Variants in TMEM135 observed in about 807,000 individuals in gnomAD.
TMEM135 encodes the protein peroxisomal membrane protein 52.
Under a neutral mutation model 60.3 loss-of-function variants are expected in TMEM135, and 30 were observed. The ratio of observed to expected loss-of-function variants is 0.50; its 90% CI spans 0.37 to 0.68. The LOEUF is 0.68. Among genes scored for constraint, TMEM135 ranks in the 30% least tolerant of loss-of-function variants. The probability of loss-of-function intolerance (pLI) is 0.00; values close to 1 mark genes in which losing one functional copy is unlikely to be tolerated. For synonymous variants in TMEM135, 190 were observed against 186.7 expected (o/e 1.02, Z -0.14); for missense variants, 468 against 548.8 (o/e 0.85, Z 1.47).
chr11:87,292,714 A>C (rs1202195042), intron 6 of TMEM135, among the ~76,000 whole-genome samples: 1 of 152,228 alleles, frequency 6.6e-6, no homozygotes, highest in Non-Finnish European at 1.5e-5. Context: ...ACCCTCAATT[A>C]CATTAACAAA....
chr11:87,060,964 A>G (rs1032797969), intron 1 of TMEM135, among the ~76,000 whole-genome samples: 21 of 152,088 alleles, frequency 1.4e-4, no homozygotes, highest in Non-Finnish European at 2.9e-4. Flanking sequence ...TATCTCTAAA[A>G]TGGTGATAAT....
intron 1 of TMEM135, among the ~76,000 whole-genome samples, chr11:87,060,712 G>A (rs780889562): frequency 2.7e-5 from 4 of 150,410 alleles, no homozygotes; most frequent in African/African-American, 9.8e-5. Context: ...GCGTGATCTC[G>A]GCTCACTGCA....
rs562393487 is a variant in TMEM135, at chr11:87,196,380, A to T, written c.462+38974A>T. ...GTTACAGTATCATTTAACACATTTT[A>T]AAAAAAATTTCTAAGAAATTAACTT... On this transcript the variant is annotated intron_variant, in intron 5 of 14. Transcript: ENST00000305494. Among the ~76,000 whole-genome samples the T allele has an allele frequency of 2.2e-4, 34 of 152,034 alleles. 1 individual carries two copies. The South Asian group carries it at 6.2e-3, about 28-fold the overall frequency.
At chr11:87,068,508 G>T (rs892829340) in intron 2 of TMEM135, among the ~76,000 whole-genome samples, 3 of 152,064 alleles carry the variant, frequency 2.0e-5, no homozygotes, top group Non-Finnish European at 4.4e-5. Flanking sequence ...TATTTTAACT[G>T]CAATTAAAAG....
chr11:87,197,908 T>G (rs892661735), intron 5 of TMEM135, among the ~76,000 whole-genome samples: 3 of 152,042 alleles, frequency 2.0e-5, no homozygotes, highest in Non-Finnish European at 4.4e-5. Context: ...TAGAAAATAT[T>G]TATCTATTTT....
chr11:87,078,986 A>G (rs953356487), intron 3 of TMEM135, among the ~76,000 whole-genome samples: 3 of 150,964 alleles, frequency 2.0e-5, no homozygotes, highest in Non-Finnish European at 4.4e-5. Context: ...TCCAAGTTTT[A>G]TTTTACTTTA....
chr11:87,043,116 C>T (rs545520795), intron 1 of TMEM135, among the ~76,000 whole-genome samples: 13 of 151,582 alleles, frequency 8.6e-5, no homozygotes, highest in South Asian at 6.2e-4. Context: ...CCACCACGCC[C>T]GGCTAATTTT....
At chr11:87,078,582 A>T (rs1282065080) in intron 3 of TMEM135, among the ~76,000 whole-genome samples, 1 of 152,028 alleles carries the variant, frequency 6.6e-6, no homozygotes, top group Non-Finnish European at 1.5e-5. Context: ...TTTGATGAAG[A>T]AGTCCAAGTT....
chr11:87,085,129 G>T (rs1857068574), intron 3 of TMEM135, among the ~76,000 whole-genome samples: 1 of 152,136 alleles, frequency 6.6e-6, no homozygotes, highest in Admixed American at 6.5e-5. Flanking sequence ...TAAATTATTG[G>T]TCTGATATAG....
intron 4 of TMEM135, among the ~76,000 whole-genome samples, chr11:87,138,103 T>TTTC (rs1938157058): frequency 1.3e-5 from 2 of 150,200 alleles, no homozygotes; most frequent in Non-Finnish European, 3.0e-5. Flanking sequence ...TTTTTTTTTT[T>TTTC]CCTTTTAGAC....
At chr11:87,169,660 A>G (rs1939174170) in intron 5 of TMEM135, among the ~76,000 whole-genome samples, 2 of 152,114 alleles carry the variant, frequency 1.3e-5, no homozygotes, top group African/African-American at 2.4e-5. Flanking sequence ...GGGTTTCTGT[A>G]GAGATACCTG....
At chr11:87,130,122 A>T (rs571185581) in intron 4 of TMEM135, among the ~76,000 whole-genome samples, 3,618 of 116,162 alleles carry the variant, frequency 0.031, 44 homozygotes, top group Admixed American at 0.053. Flanking sequence ...GTACATTTTT[A>T]AAAAAAAAAA....
intron 1 of TMEM135, among the ~76,000 whole-genome samples, chr11:87,043,834 C>T (rs1261735460): frequency 6.6e-6 from 1 of 152,026 alleles, no homozygotes; most frequent in Non-Finnish European, 1.5e-5. Flanking sequence ...TACAGTTGCC[C>T]ACTTGGGAGT....
intron 6 of TMEM135, among the ~76,000 whole-genome samples, chr11:87,241,744 T>A (rs180766517): frequency 6.6e-6 from 1 of 152,210 alleles, no homozygotes; most frequent in Non-Finnish European, 1.5e-5. Context: ...TTAGCTTTCA[T>A]AAATGAGGGA....
chr11:87,078,551 T>C (rs1279083591), intron 3 of TMEM135, among the ~76,000 whole-genome samples: 1 of 152,194 alleles, frequency 6.6e-6, no homozygotes. Context: ...ATCTTGTCTT[T>C]GAAGCAGAAA....
Position 87,325,352 on chromosome 11 carries a change from G to C in TMEM135, c.*4019G>C, listed in dbSNP as rs1291418344. 4.4e-6 allele frequency: 2 copies of C among 453,994 alleles called. No individual in the cohort carries two copies. The highest frequency in any genetic ancestry group is 4.7e-5 in the Admixed American group (2 of 42,546). The allele number at this position is 453,994 out of a possible 1,614,324, so 28.1% of individuals were successfully genotyped here. On this transcript the variant is annotated 3_prime_UTR_variant, in exon 15 of 15. Coordinates refer to ENST00000305494, the MANE Select transcript of TMEM135 (RefSeq NM_022918.4). ...ATAGGACTACAGCAGAGTAGTGAGT[G>C]AATGGCCTTAAGCTTACAGCTGTGG...
intron 6 of TMEM135, among the ~76,000 whole-genome samples, chr11:87,247,654 C>T (rs1444554399): frequency 3.9e-5 from 6 of 152,220 alleles, no homozygotes; most frequent in Admixed American, 1.3e-4. Flanking sequence ...TAGGACCCTC[C>T]GAGCCAGGTG....
intron 11 of TMEM135, among the ~76,000 whole-genome samples, chr11:87,314,186 A>G (rs532330288): frequency 1.3e-3 from 194 of 151,960 alleles, no homozygotes; most frequent in African/African-American, 4.5e-3. Flanking sequence ...TTTAAATTGT[A>G]TTTGGCAAGA....
In TMEM135 at chr11:87,324,969, T is replaced by A. The variant is rs1942890938; in HGVS notation, c.*3636T>A. On this transcript the variant is annotated 3_prime_UTR_variant, in exon 15 of 15. Transcript: ENST00000305494. ...TGATTATTTTCTTTAGGGCTGCACT[T>A]TGAATGTGATGAGTAATAAGGTTAC... The A allele has an allele frequency of 2.2e-6, 1 of 453,920 alleles. No homozygotes were observed. The highest frequency in any genetic ancestry group is 2.4e-5 in the Admixed American group (1 of 42,540). 28.1% of individuals were successfully genotyped at this position (453,920 alleles called of 1,614,324 possible).
Sources: gnomAD v4.1 joint callset for allele counts (sites outside exome capture counted in the v4.1 genomes callset) on GRCh38, gnomAD v4.1.1 for gene constraint, MANE v1.5 for transcripts, NCBI Gene and HGNC (gene_info 2026-07-23, HGNC 2026-07-21) for gene names.